SCN1A: variants seen among roughly 807,000 people sequenced by gnomAD.
SCN1A encodes sodium voltage-gated channel alpha subunit 1.
Under a neutral mutation model 193.7 loss-of-function variants are expected in SCN1A, and 13 were observed. The observed-to-expected ratio is 0.07, with a 90% CI of 0.04 to 0.11. SCN1A has a LOEUF of 0.11. Among genes scored for constraint, SCN1A ranks in the 10% least tolerant of loss-of-function variants. SCN1A has a pLI of 1.00. For synonymous variants in SCN1A, 781 were observed against 843.6 expected, an observed-to-expected ratio of 0.93 and a Z score of 1.29; for missense variants, 1,432 against 2,451.1, an observed-to-expected ratio of 0.58 and a Z score of 8.78.
rs1487683301 is a variant in SCN1A at position 166,045,576 on chromosome 2, G to A, written c.1378-249C>T. On this transcript the variant is annotated intron_variant, in intron 12 of 28. Transcript: ENST00000674923. ...TCTCTGTTAATGCTCCACAGACCAC[G>A]TATTCAAAAATATCCAACATGTATC... 7.2e-5 allele frequency among the ~76,000 whole-genome samples: 11 copies of A among 151,972 alleles called. No homozygotes were observed. The South Asian group carries it at 1.2e-3, about 17-fold the overall frequency.
chr2:166,098,337 A>T (rs1404037069), intron 2 of SCN1A, among the ~76,000 whole-genome samples: 1 of 152,172 alleles, frequency 6.6e-6, no homozygotes, highest in Non-Finnish European at 1.5e-5. Context: ...TCATGTTAAA[A>T]ACCCTCAACA....
chr2:166,036,679 T>C, intron 18 of SCN1A, 149 bp from the exon 19 acceptor site: 1 of 733,482 alleles, frequency 1.4e-6, no homozygotes, highest in Admixed American at 3.0e-5. Flanking sequence ...GATTAGAAGA[T>C]GGGTGATCTG....
intron 2 of SCN1A, among the ~76,000 whole-genome samples, chr2:166,096,630 A>G (rs1574476442): frequency 6.6e-6 from 1 of 152,186 alleles, no homozygotes; most frequent in South Asian, 2.1e-4. Context: ...ATATGCAAAT[A>G]CCTTCTTAAA....
chr2:166,051,617 A>G, intron 9 of SCN1A, 102 bp downstream of exon 9: 1 of 887,970 alleles, frequency 1.1e-6, no homozygotes, highest in Non-Finnish European at 1.7e-6. Context: ...TGCTAATCAC[A>G]TCATGTAAAA....
chr2:166,073,590 G>T lies in SCN1A; in HGVS notation c.32C>A (p.Pro11His), dbSNP rs1350460260. The T allele has an allele frequency of 1.6e-5, 26 of 1,613,980 alleles. No homozygotes were observed. The highest frequency in any genetic ancestry group is 2.2e-5 in the Non-Finnish European group (26 of 1,180,024). Residue 11 changes from proline to histidine, a missense_variant, in exon 4 of 29, where the codon CCT becomes CAT. Transcript: ENST00000674923. Reference protein sequence around the residue: MEQTVLVPPGPDSFNFFTRES... With the variant: MEQTVLVPPGHDSFNFFTRES... The stretch of plus-strand genomic sequence containing the variant: ...TCTGGTGAAGAAGTTGAAGCTGTCA[G>T]GTCCTGGTGGTACAAGCACTGTTTG...
At chr2:166,037,747 C>T in intron 18 of SCN1A, 29 bp downstream of exon 18, 1 of 1,608,390 alleles carries the variant, frequency 6.2e-7, no homozygotes, top group African/African-American at 1.3e-5. Context: ...GGTGTATTTC[C>T]AAAATGCATA....
At chr2:166,084,877 T>G (rs1685936111) in intron 2 of SCN1A, among the ~76,000 whole-genome samples, 2 of 152,146 alleles carry the variant, frequency 1.3e-5, no homozygotes, top group Admixed American at 6.6e-5. Flanking sequence ...TGCTCCTTAT[T>G]ATTAAGGATT....
At chr2:166,088,698 C>G (rs1686421459) in intron 2 of SCN1A, among the ~76,000 whole-genome samples, 1 of 152,096 alleles carries the variant, frequency 6.6e-6, no homozygotes, top group East Asian at 1.9e-4. Flanking sequence ...CAGTAAAGTC[C>G]CAAAGCCCGT....
At chr2:166,057,188 A>G (rs997149660) in intron 5 of SCN1A, among the ~76,000 whole-genome samples, 1 of 151,992 alleles carries the variant, frequency 6.6e-6, no homozygotes, top group Non-Finnish European at 1.5e-5. Context: ...ATCTCTTCCT[A>G]CTTCTCTACA....
intron 15 of SCN1A, among the ~76,000 whole-genome samples, chr2:166,042,003 G>T (rs940401630): frequency 1.3e-5 from 2 of 152,134 alleles, no homozygotes; most frequent in African/African-American, 4.8e-5. Flanking sequence ...CAAAAAGAGG[G>T]TCACTATGAC....
intron 2 of SCN1A, among the ~76,000 whole-genome samples, chr2:166,081,918 T>C (rs1191669893): frequency 6.6e-6 from 1 of 151,976 alleles, no homozygotes; most frequent in African/African-American, 2.4e-5. Flanking sequence ...TACTAACCAA[T>C]TGATTAGTGA....
At chr2:166,002,448 T>A in intron 24 of SCN1A, 24 bp downstream of exon 24, 2 of 1,598,478 alleles carry the variant, frequency 1.3e-6, no homozygotes, top group Non-Finnish European at 1.7e-6. Context: ...ATAAAAATAT[T>A]CAGAGAAAAT....
chr2:166,032,157 A>G (rs1230230180), intron 19 of SCN1A, among the ~76,000 whole-genome samples: 1 of 82,498 alleles, frequency 1.2e-5, no homozygotes, highest in East Asian at 5.1e-4. Context: ...TGCATCAGTA[A>G]CATATGTCTC....
In SCN1A at chr2:166,073,411, C is replaced by G; in HGVS notation, c.211G>C (p.Glu71Gln). ...TCCTCCAGGGGCTCTGACACCATCTCTGGAGGAATGTCTCCATAAATAAAT... is the reference window on the plus strand; with the variant it reads ...TCCTCCAGGGGCTCTGACACCATCTGTGGAGGAATGTCTCCATAAATAAAT... The part of the protein sequence containing the change: ...LPFIYGDIPP[E>Q]MVSEPLEDLD... Residue 71 changes from glutamate (E) to glutamine (Q), a missense_variant, in exon 4 of 29, where the codon GAG (glutamate) becomes CAG (glutamine). By Grantham distance (29) the Glu-to-Gln change is conservative. This residue lies in a region of SCN1A where 123 missense variants were observed against 282.8 expected (regional missense o/e 0.43). Coordinates refer to ENST00000674923, the MANE Select transcript of SCN1A (RefSeq NM_001165963.4). 6.2e-7 allele frequency: 1 copy of G among 1,614,192 alleles called. No homozygotes were observed. The highest frequency in any genetic ancestry group is 1.1e-5 in the South Asian group (1 of 91,086).
At chr2:166,011,708 G>A (rs1314173098) in intron 22 of SCN1A, among the ~76,000 whole-genome samples, 1 of 151,092 alleles carries the variant, frequency 6.6e-6, no homozygotes, top group Non-Finnish European at 1.5e-5. Flanking sequence ...GGGGTCAAGA[G>A]TTTGGGGCCA....
intron 2 of SCN1A, among the ~76,000 whole-genome samples, chr2:166,102,267 C>T (rs1353086179): frequency 1.3e-5 from 2 of 152,026 alleles, no homozygotes; most frequent in South Asian, 2.1e-4. Context: ...GAGGTTGAGG[C>T]GGGCGGATCA....
chr2:166,146,232 C>T (rs1692316628), intron 1 of SCN1A, among the ~76,000 whole-genome samples: 5 of 152,016 alleles, frequency 3.3e-5, no homozygotes, highest in Admixed American at 3.3e-4. Context: ...GATACCTGAG[C>T]AAGATATCTG....
intron 25 of SCN1A, among the ~76,000 whole-genome samples, chr2:165,999,428 A>T (rs1324375129): frequency 6.6e-6 from 1 of 151,566 alleles, no homozygotes; most frequent in Non-Finnish European, 1.5e-5. Flanking sequence ...ACTACTAATT[A>T]TATAATGTGT....
intron 7 of SCN1A, 55 bp from the exon 8 acceptor site, chr2:166,052,998 T>C (rs1446339073): frequency 2.7e-6 from 4 of 1,486,798 alleles, no homozygotes; most frequent in Non-Finnish European, 3.8e-6. Flanking sequence ...GAAAAAGCTG[T>C]AGGTACAAAG....
Sources: gnomAD v4.1 joint callset for allele counts (sites outside exome capture counted in the v4.1 genomes callset) on GRCh38, gnomAD v4.1.1 for gene constraint, gnomAD v4.1.1 regional missense constraint, MANE v1.5 for transcripts, NCBI Gene and HGNC (gene_info 2026-07-23, HGNC 2026-07-21) for gene names.